The following STK3 variants were observed in gnomAD, a reference collection of about 807,000 sequenced individuals.
The protein encoded by STK3 is serine/threonine kinase 3.
A neutral mutation model predicts 58.0 loss-of-function variants in STK3; 41 were observed. The ratio of observed to expected loss-of-function variants is 0.71; its 90% CI spans 0.55 to 0.92. The LOEUF is 0.92. STK3 is among the 40% of genes least tolerant of loss of function. The probability of loss-of-function intolerance (pLI) is 0.00; values close to 1 mark genes in which losing one functional copy is unlikely to be tolerated. For missense variants in STK3, 479 were observed against 602.7 expected, an observed-to-expected ratio of 0.79 and a Z score of 2.15; for synonymous variants, 170 against 191.0, an observed-to-expected ratio of 0.89 and a Z score of 0.91.
chr8:98,481,054 G>C (rs2131278638), intron 10 of STK3, among the ~76,000 whole-genome samples: 2 of 152,128 alleles, frequency 1.3e-5, no homozygotes, highest in South Asian at 4.2e-4. Context: ...TTCACATTTT[G>C]ATATATTCTT....
At chr8:98,553,163 A>G (rs1356914759) in intron 8 of STK3, among the ~76,000 whole-genome samples, 1 of 152,114 alleles carries the variant, frequency 6.6e-6, no homozygotes, top group Non-Finnish European at 1.5e-5. Context: ...CAACAGATAC[A>G]TTTGGGTGGA....
intron 8 of STK3, among the ~76,000 whole-genome samples, chr8:98,576,041 CCA>C (rs1045750697): frequency 2.6e-5 from 4 of 152,046 alleles, no homozygotes; most frequent in Non-Finnish European, 4.4e-5. Context: ...GGGTGTTGAT[CCA>C]GCCAATCAGA....
intron 4 of STK3, among the ~76,000 whole-genome samples, chr8:98,725,876 G>A (rs1376800535): frequency 6.6e-6 from 1 of 152,134 alleles, no homozygotes; most frequent in African/African-American, 2.4e-5. Flanking sequence ...CAAGTAATAT[G>A]ATATTAGATC....
rs76275938 is a variant in STK3 at position 98,859,028 on chromosome 8, G to C, written c.110+24619C>G. Reference sequence around the variant, plus strand: ...GTGTCTATAAGAATAAATCATTCTTGACTATTCTTTCAGAAGGAAAGCAAA... The same window carrying C: ...GTGTCTATAAGAATAAATCATTCTTCACTATTCTTTCAGAAGGAAAGCAAA... On this transcript the variant is annotated intron_variant, in intron 3 of 12. Transcript: ENST00000523601. 4.0e-4 allele frequency among the ~76,000 whole-genome samples: 61 copies of C among 152,042 alleles called. No individual in the cohort carries two copies. The East Asian group carries it at 0.01, about 25-fold the overall frequency.
At chr8:98,819,011 G>C (rs370748744) in intron 1 of STK3, among the ~76,000 whole-genome samples, 2 of 152,080 alleles carry the variant, frequency 1.3e-5, no homozygotes, top group African/African-American at 4.8e-5. Context: ...GTTTAGTAGA[G>C]ACAGGGTTTC....
At chr8:98,437,070 C>G (rs932840699) in intron 2 of STK3, 1 of 152,318 alleles carries the variant, frequency 6.6e-6, no homozygotes, top group Non-Finnish European at 1.5e-5. Flanking sequence ...CACACACAGG[C>G]TAATCTTTCT....
At chr8:98,801,591 G>A (rs983712437) in intron 1 of STK3, among the ~76,000 whole-genome samples, 2 of 151,836 alleles carry the variant, frequency 1.3e-5, no homozygotes, top group Non-Finnish European at 2.9e-5. Flanking sequence ...TCACCGCAAC[G>A]GTCTGTAGCT....
intron 3 of STK3, among the ~76,000 whole-genome samples, chr8:98,856,155 C>CA (rs60632558): frequency 0.036 from 1,927 of 53,268 alleles, 59 homozygotes; most frequent in African/African-American, 0.096. Context: ...GACTCCATCT[C>CA]AAAAAAAAAA....
chr8:98,893,281 C>T (rs537933896), intron 1 of STK3, among the ~76,000 whole-genome samples: 1 of 151,410 alleles, frequency 6.6e-6, no homozygotes, highest in African/African-American at 2.4e-5. Context: ...CCCAGCTACT[C>T]AGGAGGCTGA....
intron 1 of STK3, chr8:98,905,672 C>T (rs1001563171): frequency 2.7e-5 from 20 of 736,226 alleles, no homozygotes; most frequent in Middle Eastern, 2.5e-4. Context: ...CTTCATCATC[C>T]GGACAAGCAC....
intron 4 of STK3, among the ~76,000 whole-genome samples, chr8:98,714,957 G>T (rs1826874984): frequency 6.6e-6 from 1 of 152,086 alleles, no homozygotes; most frequent in Admixed American, 6.6e-5. Flanking sequence ...GAACAGAACA[G>T]AGCCCTCAGA....
chr8:98,407,743 TGTGTGTGTGTGTGTGC>T (rs1193598470), intron 3 of STK3, among the ~76,000 whole-genome samples: 10 of 122,086 alleles, frequency 8.2e-5, no homozygotes, highest in African/African-American at 2.6e-4. Context: ...TGTGTGTGTG[TGTGTGTGTGTGTGTGC>T]GCGCGCGCGC....
rs531730035 is a variant in STK3, at chr8:98,857,694, A to G, written c.110+25953T>C. On this transcript the variant is annotated intron_variant, in intron 3 of 12. Coordinates refer to the STK3 transcript ENST00000523601. ...TTTAAAACTTCTAAAAGTGACATCA[A>G]TGACCATAAAATAGAAGCTGAATGA... Among the ~76,000 whole-genome samples, 9 of 152,364 alleles carry G rather than the reference A, an allele frequency of 5.9e-5. No homozygotes were observed. The South Asian group carries it at 8.3e-4, about 14-fold the overall frequency.
chr8:98,644,417 G>A (rs748699333), intron 6 of STK3, among the ~76,000 whole-genome samples: 13 of 151,852 alleles, frequency 8.6e-5, no homozygotes, highest in African/African-American at 2.2e-4. Context: ...GATGCTTTAC[G>A]GCATCCATTG....
At chr8:98,696,683 A>G in intron 6 of STK3, among the ~76,000 whole-genome samples, 1 of 152,244 alleles carries the variant, frequency 6.6e-6, no homozygotes, top group Non-Finnish European at 1.5e-5. Flanking sequence ...ATATTGAACC[A>G]GTCTTGCATC....
rs926049901 is a variant in STK3, at chr8:98,846,923, A to T, written c.110+36724T>A. Among the ~76,000 whole-genome samples the T allele has an allele frequency of 7.9e-5, 12 of 151,984 alleles. No individual in the cohort carries two copies. The East Asian group carries it at 2.3e-3, about 29-fold the overall frequency. On this transcript the variant is annotated intron_variant, in intron 3 of 12. Coordinates refer to the STK3 transcript ENST00000523601. ...CTTTAAAAAGTGCCCCCCCATGACA[A>T]TGCAAATTTTTCTTCCACAAATGAA...
intron 10 of STK3, among the ~76,000 whole-genome samples, chr8:98,518,148 A>C (rs1173289546): frequency 6.6e-6 from 1 of 152,190 alleles, no homozygotes; most frequent in South Asian, 2.1e-4. Context: ...AATAAATTAT[A>C]ACATGTTGAC....
At chr8:98,446,766 T>C (rs1818966825) in intron 1 of STK3, among the ~76,000 whole-genome samples, 1 of 152,144 alleles carries the variant, frequency 6.6e-6, no homozygotes, top group Non-Finnish European at 1.5e-5. Flanking sequence ...TAAATCATTC[T>C]ACCATAAAGA....
chr8:98,481,071 G>A (rs1385428107), intron 10 of STK3, among the ~76,000 whole-genome samples: 1 of 152,000 alleles, frequency 6.6e-6, no homozygotes, highest in East Asian at 1.9e-4. Flanking sequence ...TCTTGTTGGG[G>A]AGGTGTATCA....
Sources: gnomAD v4.1 joint callset for allele counts (sites outside exome capture counted in the v4.1 genomes callset) on GRCh38, gnomAD v4.1.1 for gene constraint, MANE v1.5 for transcripts, NCBI Gene and HGNC (gene_info 2026-07-23, HGNC 2026-07-21) for gene names.